TENM3: variants seen among roughly 807,000 people sequenced by gnomAD.
TENM3 encodes the protein teneurin transmembrane protein 3.
TENM3 carries 63 observed loss-of-function variants against 255.1 expected under a neutral mutation model. The ratio of observed to expected loss-of-function variants is 0.25; its 90% CI spans 0.20 to 0.30. The LOEUF (loss-of-function observed/expected upper bound fraction) is 0.30, where lower values mean the gene tolerates loss of function less well. Ranked by LOEUF, TENM3 falls within the 10% of genes least tolerant of loss-of-function variation. TENM3 has a pLI of 1.00. For missense variants in TENM3, 2,929 were observed against 3,461.1 expected (o/e 0.85, Z 3.86); for synonymous variants, 1,306 against 1,322.3 (o/e 0.99, Z 0.27).
the TENM3 span, among the ~76,000 whole-genome samples, chr4:181,859,452 A>T: frequency 4.6e-5 from 7 of 152,304 alleles, no homozygotes; most frequent in African/African-American, 1.4e-4. Flanking sequence ...ACAGCAAAAA[A>T]GTAGGAAATT....
At chr4:182,684,449 A>AAAAAAATAAAAAT (rs1756416972) in intron 11 of TENM3, among the ~76,000 whole-genome samples, 1 of 151,370 alleles carries the variant, frequency 6.6e-6, no homozygotes, top group Admixed American at 6.6e-5. Context: ...CAAAAAAAAA[A>AAAAAAATAAAAAT]AAAAAATTTG....
At chr4:181,508,590 T>C in the TENM3 span, among the ~76,000 whole-genome samples, 6 of 152,354 alleles carry the variant, frequency 3.9e-5, no homozygotes, top group East Asian at 1.2e-3. Context: ...CTTTAATACG[T>C]ACATACACTT....
chr4:182,747,195 T>C (rs1384398735), intron 19 of TENM3, among the ~76,000 whole-genome samples: 2 of 152,180 alleles, frequency 1.3e-5, no homozygotes, highest in African/African-American at 4.8e-5. Context: ...ATGATTAAAA[T>C]ATAAAAATGC....
At chr4:182,145,211 C>T (rs1749868916) in intron 1 of TENM3, 2 of 152,216 alleles carry the variant, frequency 1.3e-5, no homozygotes, top group African/African-American at 4.8e-5. Context: ...GATGTCACCG[C>T]TTTCCGGGGC....
At chr4:182,322,489 T>A (rs1763116460) in intron 1 of TENM3, among the ~76,000 whole-genome samples, 1 of 152,156 alleles carries the variant, frequency 6.6e-6, no homozygotes, top group Non-Finnish European at 1.5e-5. Flanking sequence ...GTCTTGCCAC[T>A]CTTCTTGTAG....
intron 2 of TENM3, among the ~76,000 whole-genome samples, chr4:182,328,777 G>C (rs1763579756): frequency 6.6e-6 from 1 of 152,060 alleles, no homozygotes; most frequent in Admixed American, 6.6e-5. Context: ...CCAGCCCCCA[G>C]AAGCATGGCT....
chr4:182,653,990 G>A (rs1419575250), intron 6 of TENM3, 97 bp downstream of exon 6: 2 of 1,177,080 alleles, frequency 1.7e-6, no homozygotes, highest in Non-Finnish European at 2.2e-6. Flanking sequence ...AGATGGAACA[G>A]GGAAAAGTGT....
chr4:182,228,925 A>G (rs1224680110), intron 1 of TENM3, among the ~76,000 whole-genome samples: 1 of 152,156 alleles, frequency 6.6e-6, no homozygotes, highest in African/African-American at 2.4e-5. Context: ...TAGAAGCCTG[A>G]AGTTTTGTGC....
the TENM3 span, among the ~76,000 whole-genome samples, chr4:182,011,354 T>A: frequency 3.3e-5 from 5 of 152,160 alleles, no homozygotes; most frequent in Admixed American, 3.3e-4. Flanking sequence ...ATTTCCCATA[T>A]CCAGATCCAC....
At chr4:182,051,110 G>A in the TENM3 span, among the ~76,000 whole-genome samples, 5 of 151,960 alleles carry the variant, frequency 3.3e-5, no homozygotes, top group Non-Finnish European at 5.9e-5. Context: ...TTGGGAGGCC[G>A]AGGCAGGTGG....
chr4:182,063,799 A>C, the TENM3 span, among the ~76,000 whole-genome samples: 1 of 152,210 alleles, frequency 6.6e-6, no homozygotes, highest in South Asian at 2.1e-4. Context: ...TATAAAAAGA[A>C]AAATGCCAGC....
At chr4:182,245,848 T>A (rs915612909) in intron 1 of TENM3, among the ~76,000 whole-genome samples, 6 of 152,226 alleles carry the variant, frequency 3.9e-5, no homozygotes, top group African/African-American at 1.4e-4. Flanking sequence ...AGTAGAACAA[T>A]AACTGCCTTC....
the TENM3 span, among the ~76,000 whole-genome samples, chr4:181,832,771 T>A: frequency 6.6e-6 from 1 of 152,224 alleles, no homozygotes; most frequent in Non-Finnish European, 1.5e-5. Context: ...GCCTTGGGGC[T>A]GGTCGAGGAT....
At chr4:182,327,008 T>A (rs534964766) in intron 2 of TENM3, among the ~76,000 whole-genome samples, 55 of 152,298 alleles carry the variant, frequency 3.6e-4, no homozygotes, top group African/African-American at 1.3e-3. Context: ...TGGTTTGATA[T>A]GCGGAGTATT....
the TENM3 span, among the ~76,000 whole-genome samples, chr4:182,112,527 T>C: frequency 3.9e-5 from 6 of 152,214 alleles, no homozygotes; most frequent in Admixed American, 3.9e-4. Context: ...TCAATGACTA[T>C]TGACATCCCT....
intron 7 of TENM3, among the ~76,000 whole-genome samples, chr4:182,677,820 A>G (rs1372378153): frequency 6.6e-6 from 1 of 152,150 alleles, no homozygotes; most frequent in East Asian, 1.9e-4. Flanking sequence ...TAGATACTCT[A>G]AGTTCTCTCC....
At chr4:181,794,926 T>A in the TENM3 span, among the ~76,000 whole-genome samples, 1 of 152,168 alleles carries the variant, frequency 6.6e-6, no homozygotes, top group African/African-American at 2.4e-5. Flanking sequence ...AAATCCCAGC[T>A]GCATCAGTCC....
At chr4:182,346,172 C>T (rs1464270960) in intron 2 of TENM3, among the ~76,000 whole-genome samples, 1 of 152,084 alleles carries the variant, frequency 6.6e-6, no homozygotes, top group Non-Finnish European at 1.5e-5. Flanking sequence ...AATGACCAAG[C>T]TCCTGTTTCT....
At chr4:182,660,816 A>T (rs1476597174) in intron 6 of TENM3, among the ~76,000 whole-genome samples, 1 of 152,246 alleles carries the variant, frequency 6.6e-6, no homozygotes, top group East Asian at 1.9e-4. Flanking sequence ...TAAAAGCAAG[A>T]TGATCACAGC....
Sources: allele counts gnomAD v4.1 joint callset (sites outside exome capture counted in the v4.1 genomes callset), GRCh38; gene constraint gnomAD v4.1.1; transcripts MANE v1.5; gene names NCBI Gene and HGNC (gene_info 2026-07-23, HGNC 2026-07-21).